CMSS1: variants seen among roughly 807,000 people sequenced by gnomAD.
CMSS1 encodes the protein cms1 ribosomal small subunit homolog, also known as protein CMSS1.
CMSS1 carries 33 observed loss-of-function variants against 43.5 expected under a neutral mutation model. The ratio of observed to expected loss-of-function variants is 0.76; its 90% confidence interval spans 0.57 to 1.01. CMSS1 has a LOEUF of 1.01. Ranked by LOEUF, CMSS1 falls within the 50% of genes least tolerant of loss-of-function variation. CMSS1 has a pLI of 0.00. For synonymous variants in CMSS1, 115 were observed against 117.2 expected, an observed-to-expected ratio of 0.98 and a Z score of 0.12; for missense variants, 313 against 326.4, an observed-to-expected ratio of 0.96 and a Z score of 0.32.
chr3:100,097,806 C>G (rs141976842), intron 1 of CMSS1, among the ~76,000 whole-genome samples: 1 of 152,278 alleles, frequency 6.6e-6, no homozygotes, highest in East Asian at 1.9e-4. Context: ...AGGATTAGGC[C>G]TCCATTTCAA....
intron 1 of CMSS1, among the ~76,000 whole-genome samples, chr3:100,015,328 A>G (rs531862591): frequency 4.3e-4 from 66 of 152,254 alleles, no homozygotes; most frequent in African/African-American, 1.5e-3. Context: ...AGGTAGTATG[A>G]TGCTTCAAGC....
intron 4 of CMSS1, among the ~76,000 whole-genome samples, chr3:100,163,433 C>G (rs2067042009): frequency 6.6e-6 from 1 of 152,160 alleles, no homozygotes; most frequent in East Asian, 1.9e-4. Flanking sequence ...CACTTTGCCT[C>G]AAGGGATTCT....
intron 1 of CMSS1, among the ~76,000 whole-genome samples, chr3:100,136,952 T>C (rs1043599856): frequency 6.6e-6 from 1 of 152,258 alleles, no homozygotes; most frequent in African/African-American, 2.4e-5. Flanking sequence ...CTCTTCCTCC[T>C]TGGCTAGGCT....
chr3:100,117,071 G>A (rs150958470), intron 1 of CMSS1, among the ~76,000 whole-genome samples: 1,663 of 152,224 alleles, frequency 0.011, 28 homozygotes, highest in African/African-American at 0.037. Flanking sequence ...AAGACTGAGG[G>A]AAGAGTTCAA....
At chr3:99,850,816 T>C in intron 1 of CMSS1, 1 of 1,614,202 alleles carries the variant, frequency 6.2e-7, no homozygotes, top group South Asian at 1.1e-5. Flanking sequence ...TCTGGTTGCC[T>C]TCTGCTCTTC....
chr3:100,030,959 A>T (rs897320076), intron 1 of CMSS1, among the ~76,000 whole-genome samples: 1 of 152,188 alleles, frequency 6.6e-6, no homozygotes, highest in Non-Finnish European at 1.5e-5. Flanking sequence ...AATCTATGAG[A>T]TATGAAGTCT....
intron 1 of CMSS1, among the ~76,000 whole-genome samples, chr3:100,097,818 A>G (rs2066237115): frequency 6.6e-6 from 1 of 152,202 alleles, no homozygotes; most frequent in Non-Finnish European, 1.5e-5. Context: ...CCATTTCAAC[A>G]AAATACTCAG....
intron 1 of CMSS1, among the ~76,000 whole-genome samples, chr3:100,092,769 C>G (rs1182440267): frequency 1.3e-5 from 2 of 151,150 alleles, no homozygotes; most frequent in African/African-American, 4.9e-5. Context: ...TCTTATCTCC[C>G]TGCATTCAGC....
chr3:100,085,030 ATATG>A (rs2065985671), intron 1 of CMSS1, among the ~76,000 whole-genome samples: 1 of 152,202 alleles, frequency 6.6e-6, no homozygotes, highest in East Asian at 1.9e-4. Context: ...GCACTTTTAA[ATATG>A]TATGTATGGT....
rs1491348077 is a variant in CMSS1 at position 100,109,903 on chromosome 3, A to ACCG, written c.65-37068_65-37067insGCC. The ACCG allele has an allele frequency of 3.1e-3, 223 of 72,368 alleles. 3 individuals are homozygous for ACCG. Among genetic ancestry groups the ACCG allele is most frequent in the African/African-American group, 0.012 (204 of 17,630 alleles). The allele number at this position is 72,368 out of a possible 1,614,324, so 4.5% of individuals were successfully genotyped here. A position where few individuals can be genotyped will look rare whatever the true frequency, so the allele number is the denominator to read the frequency against. Reference sequence around the variant, plus strand: ...TGCATCTGCAAATGTTTCTTTTATGACCCCCCCCCCCCAGCACCACCCCCC... The same window carrying ACCG: ...TGCATCTGCAAATGTTTCTTTTATGACCGCCCCCCCCCCCCAGCACCACCCCCC... On this transcript the variant is annotated intron_variant, in intron 1 of 9. Coordinates refer to ENST00000421999, the MANE Select transcript of CMSS1 (RefSeq NM_032359.4).
intron 2 of CMSS1, among the ~76,000 whole-genome samples, chr3:100,158,638 T>C (rs2066996607): frequency 6.6e-6 from 1 of 152,206 alleles, no homozygotes; most frequent in Admixed American, 6.5e-5. Flanking sequence ...GCATTTCCTT[T>C]AGGATGATGT....
chr3:100,162,919 G>A (rs1422099069), intron 4 of CMSS1, among the ~76,000 whole-genome samples: 1 of 152,160 alleles, frequency 6.6e-6, no homozygotes, highest in Non-Finnish European at 1.5e-5. Context: ...AGGTTACAGT[G>A]AGCCAAGATG....
At chr3:100,094,103 A>G (rs1197605565) in intron 1 of CMSS1, among the ~76,000 whole-genome samples, 1 of 152,026 alleles carries the variant, frequency 6.6e-6, no homozygotes, top group African/African-American at 2.4e-5. Flanking sequence ...TGTCATCACT[A>G]TTTTTTTAAT....
At chr3:100,033,168 A>C (rs1262056049) in intron 1 of CMSS1, among the ~76,000 whole-genome samples, 1 of 152,188 alleles carries the variant, frequency 6.6e-6, no homozygotes, top group Non-Finnish European at 1.5e-5. Flanking sequence ...TAATGGAATT[A>C]TTTTGGCCCC....
At chr3:99,857,755 G>A (rs1944039744) in intron 1 of CMSS1, among the ~76,000 whole-genome samples, 1 of 152,200 alleles carries the variant, frequency 6.6e-6, no homozygotes, top group African/African-American at 2.4e-5. Flanking sequence ...AAATCAGCCT[G>A]TAAATAGAGA....
chr3:100,168,471 A>G (rs2067082318), intron 6 of CMSS1, among the ~76,000 whole-genome samples: 3 of 152,018 alleles, frequency 2.0e-5, no homozygotes, highest in African/African-American at 7.3e-5. Flanking sequence ...GAGGTGGGAG[A>G]ACTCTTGAGC....
At chr3:100,116,092 TC>T (rs2066566296) in intron 1 of CMSS1, among the ~76,000 whole-genome samples, 2 of 152,218 alleles carry the variant, frequency 1.3e-5, no homozygotes, top group Non-Finnish European at 2.9e-5. Flanking sequence ...TTCTTCTTAA[TC>T]ATATCAGGAG....
At chr3:99,975,209 A>G (rs1708934152) in intron 1 of CMSS1, among the ~76,000 whole-genome samples, 1 of 152,242 alleles carries the variant, frequency 6.6e-6, no homozygotes, top group Non-Finnish European at 1.5e-5. Flanking sequence ...CTATTTGTTC[A>G]CATATTACTT....
At chr3:100,126,040 T>C (rs1479725987) in intron 1 of CMSS1, among the ~76,000 whole-genome samples, 1 of 152,202 alleles carries the variant, frequency 6.6e-6, no homozygotes, top group Non-Finnish European at 1.5e-5. Flanking sequence ...TGTATGATGA[T>C]CTATGTATTC....
Sources: gnomAD v4.1 joint callset for allele counts (sites outside exome capture counted in the v4.1 genomes callset) on GRCh38, gnomAD v4.1.1 for gene constraint, MANE v1.5 for transcripts, NCBI Gene and HGNC (gene_info 2026-07-23, HGNC 2026-07-21) for gene names.